Variants in TTC28 observed in about 807,000 individuals in gnomAD.
TTC28 encodes tetratricopeptide repeat domain 28.
A neutral mutation model predicts 198.0 loss-of-function variants in TTC28; 61 were observed. The observed-to-expected ratio is 0.31, with a 90% CI of 0.25 to 0.38. TTC28 has a LOEUF of 0.38. TTC28 is among the 10% of genes least tolerant of loss of function. The pLI, the probability that TTC28 is intolerant of heterozygous loss-of-function variation, is 1.00. For missense variants in TTC28, 2,678 were observed against 3,164.0 expected (o/e 0.85, Z 3.69); for synonymous variants, 1,171 against 1,297.8 (o/e 0.90, Z 2.10).
chr22:28,155,545 T>C (rs1436852694), intron 6 of TTC28, among the ~76,000 whole-genome samples: 1 of 152,190 alleles, frequency 6.6e-6, no homozygotes, highest in Non-Finnish European at 1.5e-5. Context: ...AGAAGTTATA[T>C]TGTTACTAAG....
intron 1 of TTC28, among the ~76,000 whole-genome samples, chr22:28,642,503 G>A (rs1324777084): frequency 6.6e-6 from 1 of 151,368 alleles, no homozygotes. Flanking sequence ...ATTTTACCTG[G>A]CAAAGCCCTG....
At chr22:28,671,028 C>T (rs2051871232) in intron 1 of TTC28, among the ~76,000 whole-genome samples, 1 of 152,130 alleles carries the variant, frequency 6.6e-6, no homozygotes, top group Non-Finnish European at 1.5e-5. Flanking sequence ...TTCACTCTGT[C>T]ACCCAGGCTG....
intron 5 of TTC28, among the ~76,000 whole-genome samples, chr22:28,203,791 A>C (rs1253421649): frequency 6.6e-6 from 1 of 152,150 alleles, no homozygotes; most frequent in Non-Finnish European, 1.5e-5. Flanking sequence ...AATTTTCAAT[A>C]AAAATGCTAA....
Position 28,231,464 on chromosome 22 carries a change from T to C in TTC28, c.933+64734A>G, listed in dbSNP as rs1601509447. On this transcript the variant is annotated intron_variant, in intron 5 of 22. Coordinates refer to ENST00000397906, the MANE Select transcript of TTC28 (RefSeq NM_001145418.2). The stretch of plus-strand genomic sequence containing the variant: ...TTTTAAGTCCAAATCCCTGAAGAGG[T>C]CAAAATATATAATTTGCATCTTTAA... 2.0e-5 allele frequency among the ~76,000 whole-genome samples: 3 copies of C among 152,268 alleles called. No homozygotes were observed. The South Asian group carries it at 6.2e-4, about 32-fold the overall frequency.
intron 2 of TTC28, among the ~76,000 whole-genome samples, chr22:28,421,453 A>G (rs1160279397): frequency 6.6e-6 from 1 of 152,202 alleles, no homozygotes; most frequent in Non-Finnish European, 1.5e-5. Flanking sequence ...AAGAAACCAG[A>G]GCCCCCAAAA....
At chr22:28,250,896 T>A (rs901287823) in intron 5 of TTC28, among the ~76,000 whole-genome samples, 9 of 152,160 alleles carry the variant, frequency 5.9e-5, no homozygotes, top group African/African-American at 2.2e-4. Context: ...ATCAGAGAAT[T>A]CATCTCACAA....
intron 1 of TTC28, among the ~76,000 whole-genome samples, chr22:28,636,236 C>G (rs533639519): frequency 7.3e-6 from 1 of 137,034 alleles, no homozygotes; most frequent in South Asian, 2.3e-4. Flanking sequence ...TGCTATTCTC[C>G]TGCCTCAGCC....
At chr22:28,454,706 T>A (rs2047832451) in intron 2 of TTC28, among the ~76,000 whole-genome samples, 1 of 152,364 alleles carries the variant, frequency 6.6e-6, no homozygotes, top group East Asian at 1.9e-4. Context: ...GATGGGTAGA[T>A]AAAATGATCT....
intron 2 of TTC28, among the ~76,000 whole-genome samples, chr22:28,384,738 C>T (rs1348201732): frequency 6.6e-6 from 1 of 152,184 alleles, no homozygotes; most frequent in Non-Finnish European, 1.5e-5. Flanking sequence ...ACTACCACTG[C>T]TAGGTCAGCC....
At chr22:28,015,369 A>AT (rs138677) in intron 13 of TTC28, among the ~76,000 whole-genome samples, 15,279 of 141,482 alleles carry the variant, frequency 0.11, 827 homozygotes, top group Non-Finnish European at 0.12. Flanking sequence ...ACAGACAGTG[A>AT]TTTTTTTTTT....
chr22:28,328,347 C>T (rs1373460636), intron 2 of TTC28, among the ~76,000 whole-genome samples: 1 of 152,056 alleles, frequency 6.6e-6, no homozygotes, highest in Non-Finnish European at 1.5e-5. Context: ...GAGGATGAGG[C>T]AGGAGAATCG....
chr22:28,411,237 T>A (rs549542369), intron 2 of TTC28, among the ~76,000 whole-genome samples: 7 of 152,290 alleles, frequency 4.6e-5, no homozygotes, highest in Admixed American at 1.3e-4. Context: ...CTTCAAAAAT[T>A]TGTCAAGTCC....
intron 5 of TTC28, among the ~76,000 whole-genome samples, chr22:28,201,259 G>A (rs1925914700): frequency 6.6e-6 from 1 of 152,162 alleles, no homozygotes; most frequent in African/African-American, 2.4e-5. Context: ...CAGTTAGGCT[G>A]CAGATATAAG....
chr22:28,062,784 T>C (rs1210357582), intron 12 of TTC28, among the ~76,000 whole-genome samples: 1 of 152,206 alleles, frequency 6.6e-6, no homozygotes, highest in Non-Finnish European at 1.5e-5. Flanking sequence ...AGTTTCTAGT[T>C]CTACTCTGAC....
intron 8 of TTC28, among the ~76,000 whole-genome samples, chr22:28,104,836 T>C (rs1942249761): frequency 6.6e-6 from 1 of 152,220 alleles, no homozygotes; most frequent in Non-Finnish European, 1.5e-5. Context: ...AGTTTAGATA[T>C]TCTCTAGAGG....
intron 2 of TTC28, among the ~76,000 whole-genome samples, chr22:28,531,360 T>C (rs921380694): frequency 2.6e-5 from 4 of 152,232 alleles, no homozygotes; most frequent in African/African-American, 9.6e-5. Flanking sequence ...AAGAGCTAAC[T>C]ATCCTAAATA....
chr22:28,254,375 T>C (rs2147281425), intron 5 of TTC28, among the ~76,000 whole-genome samples: 1 of 152,112 alleles, frequency 6.6e-6, no homozygotes, highest in East Asian at 1.9e-4. Flanking sequence ...AGTGGATATA[T>C]TTGGGAAAGC....
intron 2 of TTC28, among the ~76,000 whole-genome samples, chr22:28,494,643 T>C (rs1008216366): frequency 1.3e-5 from 2 of 152,210 alleles, no homozygotes; most frequent in Non-Finnish European, 2.9e-5. Flanking sequence ...GATTGCATTC[T>C]GGCTCTGCAC....
At chr22:28,485,212 G>C (rs1601456406) in intron 2 of TTC28, among the ~76,000 whole-genome samples, 2 of 151,996 alleles carry the variant, frequency 1.3e-5, no homozygotes, top group African/African-American at 4.8e-5. Flanking sequence ...AAAATCTCAG[G>C]AAAAATAAAA....
Sources: gnomAD v4.1 joint callset for allele counts (sites outside exome capture counted in the v4.1 genomes callset) on GRCh38, gnomAD v4.1.1 for gene constraint, MANE v1.5 for transcripts, NCBI Gene and HGNC (gene_info 2026-07-23, HGNC 2026-07-21) for gene names.